The following ASTN2 variants were observed in gnomAD, a reference collection of about 807,000 sequenced individuals.
ASTN2 encodes the protein astrotactin-2.
A neutral mutation model predicts 139.8 loss-of-function variants in ASTN2; 54 were observed. The ratio of observed to expected loss-of-function variants is 0.39; its 90% confidence interval spans 0.31 to 0.48. The LOEUF (loss-of-function observed/expected upper bound fraction) is 0.48. ASTN2 is among the 20% of genes least tolerant of loss of function. The probability of loss-of-function intolerance (pLI) is 0.95; values close to 1 mark genes in which losing one functional copy is unlikely to be tolerated. For missense variants in ASTN2, 1,565 were observed against 1,725.1 expected (o/e 0.91, Z 1.64); for synonymous variants, 756 against 719.5 (o/e 1.05, Z -0.81).
intron 7 of ASTN2, among the ~76,000 whole-genome samples, chr9:117,005,288 C>A (rs1837324438): frequency 6.6e-6 from 1 of 151,412 alleles, no homozygotes; most frequent in Non-Finnish European, 1.5e-5. Context: ...AGGGTTTCAC[C>A]ATGTTGGCCA....
At chr9:116,711,383 T>C (rs2132096130) in intron 16 of ASTN2, among the ~76,000 whole-genome samples, 1 of 152,308 alleles carries the variant, frequency 6.6e-6, no homozygotes, top group Middle Eastern at 3.4e-3. Flanking sequence ...TAATACAAGG[T>C]ATGGCAGCAG....
At chr9:117,305,751 C>G (rs555617201) in intron 1 of ASTN2, among the ~76,000 whole-genome samples, 2 of 152,174 alleles carry the variant, frequency 1.3e-5, no homozygotes, top group African/African-American at 4.8e-5. Flanking sequence ...TTACTCTGTG[C>G]GAGTCTCTGT....
At chr9:117,330,991 C>A (rs888075536) in intron 1 of ASTN2, among the ~76,000 whole-genome samples, 6 of 152,264 alleles carry the variant, frequency 3.9e-5, no homozygotes, top group Admixed American at 1.3e-4. Context: ...GGCAGAGGGA[C>A]CCTGTGTCCT....
At chr9:116,753,912 A>G (rs1001423948) in intron 13 of ASTN2, among the ~76,000 whole-genome samples, 1 of 151,906 alleles carries the variant, frequency 6.6e-6, no homozygotes, top group South Asian at 2.1e-4. Flanking sequence ...CGTCACCTAC[A>G]TTACATATTT....
intron 2 of ASTN2, 24 bp from the exon 3 acceptor site, chr9:117,214,766 C>G (rs371383093): frequency 5.2e-5 from 76 of 1,466,026 alleles, no homozygotes; most frequent in Middle Eastern, 1.9e-4. Flanking sequence ...GAAGGACACA[C>G]AAATGGGCCA....
chr9:116,851,127 T>G (rs1832586933), intron 11 of ASTN2, among the ~76,000 whole-genome samples: 1 of 152,210 alleles, frequency 6.6e-6, no homozygotes, highest in South Asian at 2.1e-4. Flanking sequence ...AAAGGCAAGT[T>G]TGATCTAGTT....
At chr9:117,056,664 T>C (rs1839073024) in intron 5 of ASTN2, among the ~76,000 whole-genome samples, 1 of 152,220 alleles carries the variant, frequency 6.6e-6, no homozygotes, top group African/African-American at 2.4e-5. Context: ...AGCTGATTCC[T>C]TGTTATCTTT....
At chr9:116,974,951 T>C (rs1836303579) in intron 10 of ASTN2, among the ~76,000 whole-genome samples, 1 of 152,192 alleles carries the variant, frequency 6.6e-6, no homozygotes, top group Non-Finnish European at 1.5e-5. Context: ...AATGATCCCA[T>C]GATGAGCTAG....
chr9:117,226,838 A>G (rs940813477), intron 2 of ASTN2, among the ~76,000 whole-genome samples: 2 of 152,172 alleles, frequency 1.3e-5, no homozygotes, highest in East Asian at 3.9e-4. Context: ...AAGAGCCTTC[A>G]TCCTTTGCTC....
At chr9:117,302,605 AC>A (rs921943350) in intron 1 of ASTN2, among the ~76,000 whole-genome samples, 1 of 151,790 alleles carries the variant, frequency 6.6e-6, no homozygotes, top group African/African-American at 2.4e-5. Flanking sequence ...GTCAACCCCA[AC>A]CCCCACACCC....
intron 6 of ASTN2, among the ~76,000 whole-genome samples, chr9:117,030,790 T>C (rs1467316507): frequency 6.6e-6 from 1 of 150,838 alleles, no homozygotes; most frequent in East Asian, 1.9e-4. Flanking sequence ...CTCTAGGGGG[T>C]ATCCACAGCT....
At chr9:116,431,613 T>A (rs1161696982) in intron 22 of ASTN2, among the ~76,000 whole-genome samples, 1 of 152,260 alleles carries the variant, frequency 6.6e-6, no homozygotes, top group South Asian at 2.1e-4. Context: ...AGGCCATTAG[T>A]TACATTGTTG....
intron 1 of ASTN2, among the ~76,000 whole-genome samples, chr9:117,397,442 T>A (rs143979184): frequency 1.6e-3 from 242 of 152,228 alleles, no homozygotes; most frequent in Non-Finnish European, 2.5e-3. Context: ...TAGAAAGGAA[T>A]CATAAAACTC....
intron 1 of ASTN2, among the ~76,000 whole-genome samples, chr9:117,407,472 G>A (rs965909316): frequency 6.6e-6 from 1 of 152,216 alleles, no homozygotes; most frequent in Non-Finnish European, 1.5e-5. Context: ...GACAGTGACT[G>A]CAGTGCTGGG....
intron 16 of ASTN2, among the ~76,000 whole-genome samples, chr9:116,712,491 G>A (rs921006891): frequency 7.2e-5 from 11 of 152,148 alleles, no homozygotes; most frequent in African/African-American, 2.4e-4. Flanking sequence ...AATTGTTGCT[G>A]AATAAAACCA....
intron 19 of ASTN2, among the ~76,000 whole-genome samples, chr9:116,550,693 A>G (rs1852304781): frequency 6.6e-6 from 1 of 152,204 alleles, no homozygotes; most frequent in Non-Finnish European, 1.5e-5. Flanking sequence ...TTTAACACTC[A>G]AAAACTCATT....
At chr9:117,301,070 G>A (rs867309564) in intron 1 of ASTN2, among the ~76,000 whole-genome samples, 3 of 152,204 alleles carry the variant, frequency 2.0e-5, no homozygotes, top group Non-Finnish European at 4.4e-5. Flanking sequence ...TGGCAAGGGA[G>A]AAAAGCATAT....
At chr9:117,251,842 G>A (rs551805659) in intron 2 of ASTN2, among the ~76,000 whole-genome samples, 1 of 152,266 alleles carries the variant, frequency 6.6e-6, no homozygotes. Context: ...AGTCATAAGA[G>A]GGATGGAGAA....
At position 116,436,152 on chromosome 9, in the gene ASTN2, T is replaced by C. The variant is rs533215195; in HGVS notation, c.3782+4457A>G. Reference sequence around the variant, plus strand: ...ATAGTTAGCACATTAAATGAATCAATGAATCAATCAATCAATGAAGTGAGA... The same window carrying C: ...ATAGTTAGCACATTAAATGAATCAACGAATCAATCAATCAATGAAGTGAGA... On this transcript the variant is annotated intron_variant, in intron 22 of 22. Coordinates refer to ENST00000313400, the MANE Select transcript of ASTN2 (RefSeq NM_001365068.1). Among the ~76,000 whole-genome samples the C allele has an allele frequency of 4.6e-5, 7 of 152,270 alleles. No homozygotes were observed. The South Asian group carries it at 1.5e-3, about 32-fold the overall frequency.
Sources: allele counts gnomAD v4.1 joint callset (sites outside exome capture counted in the v4.1 genomes callset), GRCh38; gene constraint gnomAD v4.1.1; transcripts MANE v1.5; gene names NCBI Gene and HGNC (gene_info 2026-07-23, HGNC 2026-07-21).